CEP63: variants seen among roughly 807,000 people sequenced by gnomAD.
CEP63 encodes the protein centrosomal protein 63.
CEP63 carries 84 observed loss-of-function variants against 89.1 expected under a neutral mutation model. The observed-to-expected ratio is 0.94, with a 90% CI of 0.79 to 1.13. CEP63 has a LOEUF of 1.13. Among genes scored for constraint, CEP63 ranks in the 50% most tolerant of loss-of-function variants. The pLI, the probability that CEP63 is intolerant of heterozygous loss-of-function variation, is 0.00. For synonymous variants in CEP63, 267 were observed against 272.5 expected (o/e 0.98, Z 0.20); for missense variants, 838 against 813.3 (o/e 1.03, Z -0.37).
intron 12 of CEP63, chr3:134,552,512 T>C (rs1955150960): frequency 6.5e-6 from 1 of 153,694 alleles, no homozygotes; most frequent in South Asian, 2.0e-4. Context: ...CAGGAAGGTA[T>C]TTTTTTATAT....
chr3:134,608,506 C>T, the CEP63 span: 1 of 1,562,690 alleles, frequency 6.4e-7, no homozygotes, highest in African/African-American at 1.3e-5. Context: ...CATCCACATG[C>T]ACACACAAGC....
the CEP63 span, among the ~76,000 whole-genome samples, chr3:134,663,285 G>A: frequency 1.4e-4 from 22 of 152,190 alleles, no homozygotes; most frequent in Non-Finnish European, 2.8e-4. Context: ...TTGATTGACA[G>A]TCGCTGTCCC....
At chr3:134,585,278 T>G (rs539527704) in intron 10 of CEP63, among the ~76,000 whole-genome samples, 57 of 152,216 alleles carry the variant, frequency 3.7e-4, no homozygotes, top group African/African-American at 1.3e-3. Context: ...AATTGTGATG[T>G]TAGGGTGTCA....
chr3:134,669,937 T>G, the CEP63 span, among the ~76,000 whole-genome samples: 2 of 152,174 alleles, frequency 1.3e-5, no homozygotes, highest in African/African-American at 4.8e-5. Flanking sequence ...GGGAAGTGAT[T>G]GGGTCATAAG....
In CEP63 at chr3:134,561,536, C is replaced by A. The variant is rs1444909482; in HGVS notation, c.*1C>A. The stretch of plus-strand genomic sequence containing the variant: ...GAGACAATTCACAGCCTTAAAGTAG[C>A]CTCTTAAAAAAATCACTATCTTGGA... On this transcript the variant is annotated 3_prime_UTR_variant, in exon 15 of 15. Coordinates refer to ENST00000675561, the MANE Select transcript of CEP63 (RefSeq NM_001353108.3). 1 of 1,611,908 alleles carries A rather than the reference C, an allele frequency of 6.2e-7. No individual in the cohort carries two copies. The highest frequency in any genetic ancestry group is 1.1e-5 in the South Asian group (1 of 90,902).
At chr3:134,578,607 G>T (rs1213805773), downstream of CEP63, among the ~76,000 whole-genome samples, 1 of 152,136 alleles carries the variant, frequency 6.6e-6, no homozygotes, top group Non-Finnish European at 1.5e-5. Flanking sequence ...TGGGGTTACA[G>T]GCGTGAGCCA....
chr3:134,541,538 G>T (rs1202044518), intron 6 of CEP63, among the ~76,000 whole-genome samples: 4 of 135,358 alleles, frequency 3.0e-5, no homozygotes, highest in Non-Finnish European at 6.2e-5. Context: ...TTTTTGAGAC[G>T]GATTTTCGCT....
chr3:134,600,375 T>C, the CEP63 span, among the ~76,000 whole-genome samples: 67 of 152,250 alleles, frequency 4.4e-4, no homozygotes, highest in African/African-American at 1.5e-3. Context: ...AATAGTTCTT[T>C]ATGTCTAGCC....
chr3:134,721,956 G>T, the CEP63 span, among the ~76,000 whole-genome samples: 1 of 152,006 alleles, frequency 6.6e-6, no homozygotes, highest in Admixed American at 6.6e-5. Flanking sequence ...ATCTTTGTCT[G>T]GTTTTGGCAT....
chr3:134,681,244 C>T, the CEP63 span, among the ~76,000 whole-genome samples: 2 of 152,156 alleles, frequency 1.3e-5, no homozygotes, highest in Non-Finnish European at 2.9e-5. Context: ...TCACTTTACT[C>T]GGTGGCATAT....
intron 2 of CEP63, among the ~76,000 whole-genome samples, chr3:134,506,749 A>G (rs1943540227): frequency 6.6e-6 from 1 of 151,900 alleles, no homozygotes; most frequent in African/African-American, 2.4e-5. Context: ...GCAAAACCCC[A>G]TCTCTACTAA....
At chr3:134,583,319 C>A (rs1196581147) in intron 10 of CEP63, among the ~76,000 whole-genome samples, 1 of 152,180 alleles carries the variant, frequency 6.6e-6, no homozygotes, top group Non-Finnish European at 1.5e-5. Context: ...TTAGGTCTAA[C>A]ATTTAAGTCT....
intron 14 of CEP63, among the ~76,000 whole-genome samples, chr3:134,559,889 G>T (rs1046827816): frequency 1.5e-4 from 23 of 152,212 alleles, no homozygotes; most frequent in African/African-American, 5.3e-4. Context: ...GGCCCTCAGG[G>T]CAGAATGTGC....
chr3:134,547,533 A>G, intron 9 of CEP63, 61 bp downstream of exon 9: 3 of 1,415,584 alleles, frequency 2.1e-6, no homozygotes, highest in Non-Finnish European at 2.0e-6. Context: ...TTTGATCATC[A>G]TATTGTAAAT....
chr3:134,726,256 A>G, the CEP63 span, among the ~76,000 whole-genome samples: 2 of 152,082 alleles, frequency 1.3e-5, no homozygotes, highest in Admixed American at 1.3e-4. Context: ...GGTTTCACAC[A>G]CCTCGTGCCG....
At chr3:134,519,139 T>G (rs945868515) in intron 3 of CEP63, among the ~76,000 whole-genome samples, 1 of 152,092 alleles carries the variant, frequency 6.6e-6, no homozygotes, top group Non-Finnish European at 1.5e-5. Context: ...TTTTTTTTGT[T>G]TTGAGATGGA....
the CEP63 span, among the ~76,000 whole-genome samples, chr3:134,605,877 G>A: frequency 6.6e-6 from 1 of 152,162 alleles, no homozygotes; most frequent in Non-Finnish European, 1.5e-5. Flanking sequence ...CACTCTCTGA[G>A]CACTGCTTAA....
chr3:134,488,038 C>T (rs376414125), intron 1 of CEP63: 36 of 152,316 alleles, frequency 2.4e-4, no homozygotes, highest in African/African-American at 8.7e-4. Flanking sequence ...AACCCGGGGC[C>T]GCAGAGCAGT....
the CEP63 span, among the ~76,000 whole-genome samples, chr3:134,593,441 G>A: frequency 6.6e-6 from 1 of 152,190 alleles, no homozygotes; most frequent in Admixed American, 6.5e-5. Flanking sequence ...GGGAGGTTCA[G>A]TAACTTGCAC....
Sources: gnomAD v4.1 joint callset for allele counts (sites outside exome capture counted in the v4.1 genomes callset) on GRCh38, gnomAD v4.1.1 for gene constraint, MANE v1.5 for transcripts, NCBI Gene and HGNC (gene_info 2026-07-23, HGNC 2026-07-21) for gene names.